ITGA9: variants seen among roughly 807,000 people sequenced by gnomAD.
ITGA9 encodes the protein integrin subunit alpha 9, also known as integrin alpha-9.
In ITGA9, 56 loss-of-function variants were observed where a neutral mutation model predicts 127.8. The observed-to-expected ratio is 0.44, with a 90% CI of 0.35 to 0.55. The LOEUF (loss-of-function observed/expected upper bound fraction) is 0.55. Among genes scored for constraint, ITGA9 ranks in the 20% least tolerant of loss-of-function variants. The probability of loss-of-function intolerance (pLI) is 0.00; values close to 1 mark genes in which losing one functional copy is unlikely to be tolerated. For missense variants in ITGA9, 1,196 were observed against 1,347.1 expected (o/e 0.89, Z 1.76); for synonymous variants, 508 against 514.5 (o/e 0.99, Z 0.17).
At chr3:37,563,152 T>G (rs1450220742) in intron 15 of ITGA9, among the ~76,000 whole-genome samples, 1 of 152,206 alleles carries the variant, frequency 6.6e-6, no homozygotes. Context: ...CTTTTACATT[T>G]AGATTAGTGA....
At chr3:37,752,926 T>C (rs76295243) in intron 23 of ITGA9, among the ~76,000 whole-genome samples, 21 of 152,314 alleles carry the variant, frequency 1.4e-4, no homozygotes, top group East Asian at 5.8e-4. Context: ...CTTCTTTCCT[T>C]GTAGCTAATG....
Position 37,468,730 on chromosome 3 carries a change from AAC to A in ITGA9, c.186-2274_186-2273del, listed in dbSNP as rs369956461. 1.6e-3 allele frequency among the ~76,000 whole-genome samples: 237 copies of A among 152,308 alleles called. 1 individual carries two copies. Among genetic ancestry groups the A allele is most frequent in the African/African-American group, 5.2e-3 (217 of 41,568 alleles). The stretch of plus-strand genomic sequence containing the variant: ...TCCAGGGTCATCCTAACCTCTGCTA[AAC>A]ACCTTTTCCACAAATACATAATATG... On this transcript the variant is annotated intron_variant, in intron 1 of 27. Coordinates refer to ENST00000264741, the MANE Select transcript of ITGA9 (RefSeq NM_002207.3).
rs372025534 is a variant in ITGA9, at chr3:37,697,683, A to G, written c.2067+13668A>G. On this transcript the variant is annotated intron_variant, in intron 18 of 27. Coordinates refer to ENST00000264741, the MANE Select transcript of ITGA9 (RefSeq NM_002207.3). ...CATGAACTCATCCCTTTTTATGGCT[A>G]CATAGTATTCCATGGTGTATATGTG... Among the ~76,000 whole-genome samples, 60 of 152,208 alleles carry G rather than the reference A, an allele frequency of 3.9e-4. No individual in the cohort carries two copies. In the Middle Eastern group the frequency reaches 0.01, roughly 26 times the overall value.
chr3:37,732,646 T>G, intron 18 of ITGA9, 66 bp from the exon 19 acceptor site: 1 of 1,227,492 alleles, frequency 8.1e-7, no homozygotes, highest in South Asian at 1.3e-5. Flanking sequence ...GATTGCCCCG[T>G]GGAGCCTGCT....
At chr3:37,731,563 A>G (rs1347568865) in intron 18 of ITGA9, among the ~76,000 whole-genome samples, 4 of 152,070 alleles carry the variant, frequency 2.6e-5, no homozygotes, top group East Asian at 1.9e-4. Context: ...TTTCATTGCT[A>G]TTTTCTAAGT....
chr3:37,568,959 G>A (rs1469806905), intron 15 of ITGA9, among the ~76,000 whole-genome samples: 1 of 152,078 alleles, frequency 6.6e-6, no homozygotes, highest in Non-Finnish European at 1.5e-5. Flanking sequence ...CACAGCAATA[G>A]CCCCCTCCTG....
At chr3:37,690,679 C>T (rs1037134945) in intron 18 of ITGA9, among the ~76,000 whole-genome samples, 2 of 152,134 alleles carry the variant, frequency 1.3e-5, no homozygotes, top group African/African-American at 4.8e-5. Flanking sequence ...TAGAGGAGGC[C>T]ATGCTAGGAG....
intron 18 of ITGA9, among the ~76,000 whole-genome samples, chr3:37,732,376 G>A (rs888577541): frequency 6.6e-6 from 1 of 152,074 alleles, no homozygotes; most frequent in African/African-American, 2.4e-5. Context: ...GGAGAAAGGG[G>A]CCAAGAAGAT....
chr3:37,558,444 A>G (rs1429603464), intron 15 of ITGA9, among the ~76,000 whole-genome samples: 1 of 152,062 alleles, frequency 6.6e-6, no homozygotes, highest in East Asian at 1.9e-4. Context: ...CTAGTCCCAC[A>G]CTTGTCCCTC....
chr3:37,480,036 G>T (rs1372961291), intron 3 of ITGA9, among the ~76,000 whole-genome samples: 1 of 152,144 alleles, frequency 6.6e-6, no homozygotes, highest in Non-Finnish European at 1.5e-5. Context: ...GCATTCACTG[G>T]CTGGGGTGAA....
intron 1 of ITGA9, among the ~76,000 whole-genome samples, chr3:37,466,115 C>T (rs1288886432): frequency 6.6e-6 from 1 of 152,072 alleles, no homozygotes; most frequent in Non-Finnish European, 1.5e-5. Flanking sequence ...CCAGCACCTG[C>T]ACACTCTATG....
rs547151320 is a variant in ITGA9 at position 37,637,002 on chromosome 3, T to C, written c.1839+7666T>C. 3.3e-5 allele frequency among the ~76,000 whole-genome samples: 5 copies of C among 152,322 alleles called. No individual in the cohort carries two copies. The South Asian group carries it at 1.0e-3, about 32-fold the overall frequency. On this transcript the variant is annotated intron_variant, in intron 16 of 27. Transcript: ENST00000264741. Reference sequence around the variant, plus strand: ...GTTCCATTGGTCTATATCTCTGTTTTGGTACCAGTACCATGCTGTTTTGGT... The same window carrying C: ...GTTCCATTGGTCTATATCTCTGTTTCGGTACCAGTACCATGCTGTTTTGGT...
chr3:37,732,593 G>A (rs1418743394), intron 18 of ITGA9, 119 bp from the exon 19 acceptor site: 18 of 770,606 alleles, frequency 2.3e-5, no homozygotes, highest in Non-Finnish European at 3.0e-5. Context: ...AGGGCATCTC[G>A]TCCCACTGGT....
intron 18 of ITGA9, among the ~76,000 whole-genome samples, chr3:37,699,534 G>A (rs1015220249): frequency 3.3e-5 from 5 of 152,090 alleles, no homozygotes; most frequent in South Asian, 2.1e-4. Flanking sequence ...AGTCACCATC[G>A]TCTTTTGCCT....
At chr3:37,776,619 A>G (rs17036944) in intron 23 of ITGA9, among the ~76,000 whole-genome samples, 5,655 of 152,332 alleles carry the variant, frequency 0.037, 258 homozygotes, top group South Asian at 0.14. Context: ...TCCTCAATTT[A>G]AACATCAGAA....
At chr3:37,469,116 C>T (rs1388362710) in intron 1 of ITGA9, among the ~76,000 whole-genome samples, 1 of 152,162 alleles carries the variant, frequency 6.6e-6, no homozygotes, top group African/African-American at 2.4e-5. Context: ...TGCCATTTCC[C>T]CCGTGTTCTG....
chr3:37,729,189 TG>T (rs1696256418), intron 18 of ITGA9, among the ~76,000 whole-genome samples: 1 of 152,068 alleles, frequency 6.6e-6, no homozygotes, highest in South Asian at 2.1e-4. Flanking sequence ...TGGGCCTCCT[TG>T]GAAATCACAG....
chr3:37,776,677 T>C (rs2125549875), intron 23 of ITGA9, among the ~76,000 whole-genome samples: 1 of 152,316 alleles, frequency 6.6e-6, no homozygotes, highest in African/African-American at 2.4e-5. Context: ...AGCACCATTG[T>C]TTTGTTTCTG....
chr3:37,547,119 G>T (rs775292312), intron 15 of ITGA9, among the ~76,000 whole-genome samples: 3 of 152,050 alleles, frequency 2.0e-5, no homozygotes, highest in Non-Finnish European at 4.4e-5. Flanking sequence ...AGGCATTTAG[G>T]GAACTTTTTT....
Sources: gnomAD v4.1 joint callset for allele counts (sites outside exome capture counted in the v4.1 genomes callset) on GRCh38, gnomAD v4.1.1 for gene constraint, MANE v1.5 for transcripts, NCBI Gene and HGNC (gene_info 2026-07-23, HGNC 2026-07-21) for gene names.